FABP12: variants seen among roughly 807,000 people sequenced by gnomAD.
FABP12 encodes the protein fatty acid binding protein 12, also known as fatty acid-binding protein 12.
A neutral mutation model predicts 13.7 loss-of-function variants in FABP12; 19 were observed. The ratio of observed to expected loss-of-function variants is 1.39; its 90% CI spans 0.97 to 2.04. The LOEUF (loss-of-function observed/expected upper bound fraction) is 2.04. Among genes scored for constraint, FABP12 ranks in the 30% most tolerant of loss-of-function variants. FABP12 has a pLI of 0.00. For missense variants in FABP12, 182 were observed against 164.2 expected (o/e 1.11, Z -0.59); for synonymous variants, 61 against 57.0 (o/e 1.07, Z -0.32).
intron 1 of FABP12, among the ~76,000 whole-genome samples, chr8:81,569,591 C>A (rs73277235): frequency 0.012 from 1,869 of 152,198 alleles, 41 homozygotes; most frequent in African/African-American, 0.042. Context: ...CTCATCAAAA[C>A]AAAAAGAACA....
intron 1 of FABP12, among the ~76,000 whole-genome samples, chr8:81,547,324 T>C (rs1394062182): frequency 6.6e-6 from 1 of 152,230 alleles, no homozygotes; most frequent in Non-Finnish European, 1.5e-5. Flanking sequence ...CCTCTCTTCA[T>C]TTCCCTATGT....
chr8:81,532,436 A>G (rs1809096382), intron 1 of FABP12, among the ~76,000 whole-genome samples: 1 of 152,248 alleles, frequency 6.6e-6, no homozygotes, highest in Admixed American at 6.5e-5. Flanking sequence ...TTATTCAACT[A>G]ACATTTATAA....
intron 1 of FABP12, among the ~76,000 whole-genome samples, chr8:81,584,918 A>G (rs1340048034): frequency 6.6e-6 from 1 of 152,122 alleles, no homozygotes; most frequent in East Asian, 1.9e-4. Context: ...GCACCTTTTC[A>G]TATACCTGTT....
chr8:81,559,360 A>G (rs1809677496), intron 1 of FABP12, among the ~76,000 whole-genome samples: 1 of 152,188 alleles, frequency 6.6e-6, no homozygotes, highest in African/African-American at 2.4e-5. Flanking sequence ...AAACAAGGCT[A>G]TTTAACAGTG....
chr8:81,564,879 AAGAAAT>A (rs1809788595), intron 1 of FABP12, among the ~76,000 whole-genome samples: 1 of 152,020 alleles, frequency 6.6e-6, no homozygotes, highest in Non-Finnish European at 1.5e-5. Context: ...CTCCAATCAA[AAGAAAT>A]AGACTGTCTG....
chr8:81,574,450 G>T (rs1228700058), intron 1 of FABP12, among the ~76,000 whole-genome samples: 1 of 151,982 alleles, frequency 6.6e-6, no homozygotes, highest in Admixed American at 6.6e-5. Flanking sequence ...TTGGTATTAG[G>T]GTGATGCTGG....
At chr8:81,586,837 T>C (rs1174717646) in intron 1 of FABP12, among the ~76,000 whole-genome samples, 1 of 152,240 alleles carries the variant, frequency 6.6e-6, no homozygotes, top group African/African-American at 2.4e-5. Context: ...TTGTAATTGC[T>C]TTTGGAGTCC....
chr8:81,560,091 A>C (rs1206560664), intron 1 of FABP12, among the ~76,000 whole-genome samples: 2 of 152,204 alleles, frequency 1.3e-5, no homozygotes, highest in Non-Finnish European at 2.9e-5. Context: ...TTCCCAACAG[A>C]ATAGTTTCTC....
intron 1 of FABP12, among the ~76,000 whole-genome samples, chr8:81,562,920 C>A (rs1056137959): frequency 3.9e-5 from 6 of 152,176 alleles, no homozygotes; most frequent in Admixed American, 6.5e-5. Context: ...GGGCCTTCAG[C>A]CTTGAGCAAA....
At chr8:81,577,037 T>C (rs1810060004) in intron 1 of FABP12, among the ~76,000 whole-genome samples, 1 of 152,242 alleles carries the variant, frequency 6.6e-6, no homozygotes, top group Admixed American at 6.5e-5. Context: ...CCAGAGGGTC[T>C]ATCATACTTT....
intron 1 of FABP12, among the ~76,000 whole-genome samples, chr8:81,543,098 T>C (rs980922314): frequency 1.3e-5 from 2 of 152,218 alleles, no homozygotes; most frequent in African/African-American, 4.8e-5. Flanking sequence ...ATTTTCACAC[T>C]TCGGAGTCTA....
At chr8:81,552,160 G>C (rs1265110236) in intron 1 of FABP12, among the ~76,000 whole-genome samples, 7 of 152,126 alleles carry the variant, frequency 4.6e-5, no homozygotes, top group Admixed American at 4.6e-4. Flanking sequence ...CCCTGAGAAA[G>C]TGACATTTAA....
chr8:81,554,664 G>A (rs544650746), intron 1 of FABP12, among the ~76,000 whole-genome samples: 1 of 152,290 alleles, frequency 6.6e-6, no homozygotes, highest in Non-Finnish European at 1.5e-5. Flanking sequence ...GTCACCGGCT[G>A]AGGGGAAGAA....
At chr8:81,549,864 A>G (rs1809497099) in intron 1 of FABP12, among the ~76,000 whole-genome samples, 2 of 152,200 alleles carry the variant, frequency 1.3e-5, no homozygotes, top group African/African-American at 2.4e-5. Flanking sequence ...TGCATTCCTA[A>G]TTTCATTTTC....
At chr8:81,570,154 G>A (rs1204287738) in intron 1 of FABP12, among the ~76,000 whole-genome samples, 1 of 152,240 alleles carries the variant, frequency 6.6e-6, no homozygotes, top group African/African-American at 2.4e-5. Context: ...AGGGAATGTG[G>A]TGGTGCCCAG....
In FABP12 at chr8:81,554,893, C is replaced by T. The variant is rs757682928; in HGVS notation, c.-184-15150G>A. Among the ~76,000 whole-genome samples, 29 of 152,206 alleles carry T rather than the reference C, an allele frequency of 1.9e-4. No homozygotes were observed. The Middle Eastern group carries it at 0.01, about 54-fold the overall frequency. ...GGCGGCATTCAAAGCCATGCTAGGT[C>T]GTGTGTGGCCCAGGTGGGCCACAGG... On this transcript the variant is annotated intron_variant, in intron 1 of 5. Coordinates refer to the FABP12 transcript ENST00000692030.
At chr8:81,531,286 C>T (rs543037280) in exon 2 of FABP12, 1 of 1,605,700 alleles carries the variant, frequency 6.2e-7, no homozygotes, top group East Asian at 2.2e-5. Context: ...AAGAAATGGA[C>T]TTCCATGTTC....
intron 1 of FABP12, among the ~76,000 whole-genome samples, chr8:81,546,831 T>A (rs1450192090): frequency 6.6e-6 from 1 of 152,204 alleles, no homozygotes; most frequent in Non-Finnish European, 1.5e-5. Flanking sequence ...TCACTGTTAC[T>A]GAATCAAATT....
intron 1 of FABP12, among the ~76,000 whole-genome samples, chr8:81,560,032 A>G (rs185474698): frequency 1.1e-4 from 16 of 152,346 alleles, no homozygotes; most frequent in African/African-American, 3.6e-4. Context: ...CAGCCAAGCC[A>G]CAATCTCTTA....
Sources: allele counts gnomAD v4.1 joint callset (sites outside exome capture counted in the v4.1 genomes callset), GRCh38; gene constraint gnomAD v4.1.1; transcripts MANE v1.5; gene names NCBI Gene and HGNC (gene_info 2026-07-23, HGNC 2026-07-21).